Variants in RBFOX2 observed in about 807,000 individuals in gnomAD.
RBFOX2 encodes RNA binding fox-1 homolog 2, also known as RNA binding protein fox-1 homolog 2.
A neutral mutation model predicts 49.1 loss-of-function variants in RBFOX2; 10 were observed. The ratio of observed to expected loss-of-function variants is 0.20; its 90% CI spans 0.13 to 0.35. The LOEUF (loss-of-function observed/expected upper bound fraction) is 0.35. RBFOX2 is among the 10% of genes least tolerant of loss of function. The pLI is 1.00. For missense variants in RBFOX2, 323 were observed against 486.9 expected (o/e 0.66, Z 3.17); for synonymous variants, 183 against 187.4 (o/e 0.98, Z 0.19).
Position 35,768,418 on chromosome 22 carries a change from T to C in RBFOX2, c.454-69A>G, listed in dbSNP as rs184643115. ...ATTGAAATACTGATCTCTTGGTAAA[T>C]AGAGAAAAAATATCATAGTATGAAA... On this transcript the variant is annotated intron_variant, in intron 4 of 11. Coordinates refer to ENST00000405409, the Ensembl canonical transcript of RBFOX2. 5.6e-5 allele frequency: 76 copies of C among 1,347,780 alleles called. No homozygotes were observed. In the East Asian group the frequency reaches 1.3e-3, roughly 24 times the overall value. The allele number at this position is 1,347,780 out of a possible 1,614,324, so 83.5% of individuals were successfully genotyped here. A position where few individuals can be genotyped will look rare whatever the true frequency, so the allele number is the denominator to read the frequency against.
At chr22:35,774,639 CA>C (rs1252764985) in intron 4 of RBFOX2, among the ~76,000 whole-genome samples, 1 of 151,228 alleles carries the variant, frequency 6.6e-6, no homozygotes, top group Non-Finnish European at 1.5e-5. Context: ...AATATGAAGG[CA>C]AAAGAAGGAA....
At chr22:35,887,832 C>A (rs919517233) in intron 1 of RBFOX2, among the ~76,000 whole-genome samples, 1 of 152,182 alleles carries the variant, frequency 6.6e-6, no homozygotes, top group Non-Finnish European at 1.5e-5. Flanking sequence ...GCATCATATT[C>A]TAATACAATC....
At chr22:35,957,070 G>A (rs994375077) in intron 1 of RBFOX2, among the ~76,000 whole-genome samples, 1 of 152,156 alleles carries the variant, frequency 6.6e-6, no homozygotes, top group Non-Finnish European at 1.5e-5. Context: ...AGTAGCATGT[G>A]TAGTGAGGTA....
rs536482134 is a variant in RBFOX2 at position 35,909,083 on chromosome 22, C to G, written c.-34+29764G>C. On this transcript the variant is annotated intron_variant, in intron 1 of 13. Coordinates refer to the RBFOX2 transcript ENST00000359369. ...GGTCTCGATCTCCTGACCTCGTGAT[C>G]TGCCCACCTCGGCCTCCCGAAGTGC... 8.5e-4 allele frequency among the ~76,000 whole-genome samples: 130 copies of G among 152,298 alleles called. 1 individual carries two copies. Among genetic ancestry groups the G allele is most frequent in the South Asian group, 6.2e-3 (30 of 4,824 alleles).
intron 1 of RBFOX2, among the ~76,000 whole-genome samples, chr22:35,915,767 T>G (rs373948520): frequency 1.3e-5 from 2 of 151,850 alleles, no homozygotes. Flanking sequence ...AAACGAGGAG[T>G]AAGCCATACC....
At chr22:35,826,211 G>A (rs931680041) in intron 1 of RBFOX2, among the ~76,000 whole-genome samples, 6 of 151,276 alleles carry the variant, frequency 4.0e-5, no homozygotes, top group African/African-American at 9.7e-5. Context: ...GCTTGGTGGC[G>A]CATGTCTGTA....
chr22:36,006,146 T>G (rs1262486242), intron 1 of RBFOX2, among the ~76,000 whole-genome samples: 1 of 152,254 alleles, frequency 6.6e-6, no homozygotes, highest in African/African-American at 2.4e-5. Context: ...CCTGGTATAC[T>G]GTAGAAATTA....
rs979510153 is a variant in RBFOX2 at position 36,020,341 on chromosome 22, A to G, written c.186+7899T>C. Among the ~76,000 whole-genome samples, 12 of 152,350 alleles carry G rather than the reference A, an allele frequency of 7.9e-5. No individual in the cohort carries two copies. The East Asian group carries it at 2.3e-3, about 29-fold the overall frequency. ...ACCATTCAGGACATAGGCATGGGCAAGGACTTCATGACTAAAACACCAAAA... is the reference window on the plus strand; with the variant it reads ...ACCATTCAGGACATAGGCATGGGCAGGGACTTCATGACTAAAACACCAAAA... On this transcript the variant is annotated intron_variant, in intron 1 of 13. Transcript: ENST00000438146.
At chr22:35,845,890 T>C (rs2041119492) in intron 1 of RBFOX2, among the ~76,000 whole-genome samples, 1 of 152,072 alleles carries the variant, frequency 6.6e-6, no homozygotes. Flanking sequence ...ACCACTAATA[T>C]CCCTGTGTCT....
intron 1 of RBFOX2, among the ~76,000 whole-genome samples, chr22:35,850,880 T>C (rs1214941787): frequency 6.6e-6 from 1 of 152,188 alleles, no homozygotes; most frequent in Non-Finnish European, 1.5e-5. Context: ...TAACTATTGA[T>C]CCTACGAAAT....
chr22:35,900,118 T>C (rs1603443506), intron 1 of RBFOX2, among the ~76,000 whole-genome samples: 2 of 152,226 alleles, frequency 1.3e-5, no homozygotes, highest in South Asian at 2.1e-4. Context: ...AGGCTACTTG[T>C]TTTGTTTGTT....
At chr22:35,949,736 C>T (rs543926235) in intron 1 of RBFOX2, among the ~76,000 whole-genome samples, 23 of 152,092 alleles carry the variant, frequency 1.5e-4, no homozygotes, top group Non-Finnish European at 2.9e-4. Flanking sequence ...GTATTCAAGT[C>T]CCCTGCCCAT....
intron 1 of RBFOX2, among the ~76,000 whole-genome samples, chr22:35,974,852 C>A (rs1211084018): frequency 6.6e-6 from 1 of 152,162 alleles, no homozygotes; most frequent in African/African-American, 2.4e-5. Flanking sequence ...AGATTCCTCC[C>A]CTGCAGCCTC....
At chr22:35,819,612 T>C (rs1391512792) in intron 1 of RBFOX2, among the ~76,000 whole-genome samples, 3 of 152,234 alleles carry the variant, frequency 2.0e-5, no homozygotes, top group African/African-American at 7.2e-5. Flanking sequence ...GCACACTTCA[T>C]CTATTCAGCT....
intron 1 of RBFOX2, among the ~76,000 whole-genome samples, chr22:36,010,156 C>T (rs2058761774): frequency 6.6e-6 from 1 of 152,148 alleles, no homozygotes; most frequent in African/African-American, 2.4e-5. Flanking sequence ...ATAGTTCCCA[C>T]CTATCAGCAG....
At chr22:35,958,379 C>T (rs1234256020) in intron 1 of RBFOX2, among the ~76,000 whole-genome samples, 1 of 152,140 alleles carries the variant, frequency 6.6e-6, no homozygotes, top group Admixed American at 6.5e-5. Flanking sequence ...GTATACCTAC[C>T]CCATAGAGAA....
At chr22:36,013,978 A>G (rs1452774206) in intron 1 of RBFOX2, among the ~76,000 whole-genome samples, 1 of 152,018 alleles carries the variant, frequency 6.6e-6, no homozygotes, top group Admixed American at 6.5e-5. Flanking sequence ...ACGCTACACA[A>G]TAGTTCAGCA....
At chr22:35,807,067 G>C (rs550897291) in intron 2 of RBFOX2, among the ~76,000 whole-genome samples, 186 of 152,272 alleles carry the variant, frequency 1.2e-3, no homozygotes, top group African/African-American at 4.3e-3. Flanking sequence ...GCCTCCCAAA[G>C]TGTTGGGATT....
intron 5 of RBFOX2, among the ~76,000 whole-genome samples, chr22:35,767,537 A>G (rs1941377386): frequency 6.6e-6 from 1 of 152,164 alleles, no homozygotes; most frequent in Non-Finnish European, 1.5e-5. Context: ...AAATTGGGAA[A>G]GGGGAAAGGA....
Sources: gnomAD v4.1 joint callset for allele counts (sites outside exome capture counted in the v4.1 genomes callset) on GRCh38, gnomAD v4.1.1 for gene constraint, MANE v1.5 for transcripts, NCBI Gene and HGNC (gene_info 2026-07-23, HGNC 2026-07-21) for gene names.